Variants in LINGO2 observed in about 807,000 individuals in gnomAD.
The protein encoded by LINGO2 is leucine rich repeat and Ig domain containing 2.
LINGO2 carries 14 observed loss-of-function variants against 30.6 expected under a neutral mutation model. The observed-to-expected ratio is 0.46, with a 90% CI of 0.30 to 0.72. The LOEUF (loss-of-function observed/expected upper bound fraction) is 0.72, where lower values mean the gene tolerates loss of function less well. LINGO2 is among the 30% of genes least tolerant of loss of function. LINGO2 has a pLI of 0.07. For missense variants in LINGO2, 729 were observed against 751.7 expected (o/e 0.97, Z 0.35); for synonymous variants, 317 against 288.5 (o/e 1.10, Z -1.00).
chr9:28,923,541 T>A, the LINGO2 span, among the ~76,000 whole-genome samples: 1 of 152,098 alleles, frequency 6.6e-6, no homozygotes, highest in South Asian at 2.1e-4. Context: ...AAAAGAGACA[T>A]CTGTTTGGGA....
At chr9:28,723,423 G>A in the LINGO2 span, among the ~76,000 whole-genome samples, 20 of 152,212 alleles carry the variant, frequency 1.3e-4, no homozygotes, top group African/African-American at 4.8e-4. Context: ...GTTGTACAAT[G>A]TGGCTATACA....
At position 28,403,670 on chromosome 9, in the gene LINGO2, CA is replaced by C. The variant is rs1405441846; in HGVS notation, c.-278-30803del. Among the ~76,000 whole-genome samples the C allele has an allele frequency of 2.5e-5, 3 of 121,290 alleles. No homozygotes were observed. In the Admixed American group the frequency reaches 2.6e-4, roughly 10 times the overall value. The allele number at this position is 121,290 out of a possible 152,430, so 79.6% of individuals were successfully genotyped here. On this transcript the variant is annotated intron_variant, in intron 2 of 5. Coordinates refer to ENST00000379992, the Ensembl canonical transcript of LINGO2. The stretch of plus-strand genomic sequence containing the variant: ...ACCCCTCTCCTTTTTTTTTTTTTTT[CA>C]AAGGATGACCTCAACTTTTCCTGGA...
At chr9:28,170,434 A>C (rs1330075654) in intron 4 of LINGO2, among the ~76,000 whole-genome samples, 1 of 152,174 alleles carries the variant, frequency 6.6e-6, no homozygotes, top group East Asian at 1.9e-4. Flanking sequence ...ATGTAAAGTA[A>C]GAAGTCCCTA....
chr9:29,210,181 G>A, the LINGO2 span, among the ~76,000 whole-genome samples: 1 of 152,126 alleles, frequency 6.6e-6, no homozygotes, highest in East Asian at 1.9e-4. Context: ...TTAATGTTTG[G>A]TCTCTTTTAA....
At chr9:28,368,798 G>A (rs1052496886) in intron 3 of LINGO2, among the ~76,000 whole-genome samples, 22 of 108,208 alleles carry the variant, frequency 2.0e-4, no homozygotes, top group Non-Finnish European at 3.3e-4. Flanking sequence ...GGGTTTCACC[G>A]TGTTAGCCAG....
intron 2 of LINGO2, among the ~76,000 whole-genome samples, chr9:28,409,518 G>A (rs1174615463): frequency 6.6e-6 from 1 of 151,900 alleles, no homozygotes; most frequent in Non-Finnish European, 1.5e-5. Flanking sequence ...TTTCCCTGTT[G>A]AGACTCTGAT....
At chr9:28,189,992 C>A (rs536600007) in intron 4 of LINGO2, among the ~76,000 whole-genome samples, 20 of 152,090 alleles carry the variant, frequency 1.3e-4, no homozygotes, top group Non-Finnish European at 2.9e-4. Context: ...AATACTTAGA[C>A]AGGTTGCCAT....
At chr9:28,356,010 G>C (rs886591833) in intron 3 of LINGO2, among the ~76,000 whole-genome samples, 4 of 152,126 alleles carry the variant, frequency 2.6e-5, no homozygotes, top group South Asian at 2.1e-4. Context: ...ACAGCATTTA[G>C]TTAGATATTT....
chr9:29,113,976 T>A, the LINGO2 span, among the ~76,000 whole-genome samples: 2 of 149,448 alleles, frequency 1.3e-5, no homozygotes, highest in African/African-American at 4.9e-5. Context: ...AAAAAAAAAA[T>A]TGCCAGAAAG....
the LINGO2 span, among the ~76,000 whole-genome samples, chr9:28,785,120 A>C: frequency 6.6e-6 from 1 of 152,234 alleles, no homozygotes; most frequent in Non-Finnish European, 1.5e-5. Flanking sequence ...TAGAAGGACA[A>C]TATAAATTAT....
chr9:28,342,193 T>C (rs1346961570), intron 3 of LINGO2, among the ~76,000 whole-genome samples: 1 of 152,182 alleles, frequency 6.6e-6, no homozygotes, highest in Non-Finnish European at 1.5e-5. Context: ...TCGCTGTCTA[T>C]ATAGCTAGTA....
At chr9:28,925,577 T>G in the LINGO2 span, among the ~76,000 whole-genome samples, 1 of 152,226 alleles carries the variant, frequency 6.6e-6, no homozygotes, top group Non-Finnish European at 1.5e-5. Context: ...CATTTGGAAC[T>G]CTCCTGGACT....
chr9:29,099,552 T>A, the LINGO2 span, among the ~76,000 whole-genome samples: 27 of 152,122 alleles, frequency 1.8e-4, no homozygotes, highest in Admixed American at 3.3e-4. Context: ...AAATTAATAA[T>A]CCAATTTTAA....
chr9:28,340,863 T>C (rs1825743343), intron 3 of LINGO2, among the ~76,000 whole-genome samples: 1 of 152,112 alleles, frequency 6.6e-6, no homozygotes, highest in Non-Finnish European at 1.5e-5. Context: ...AGTAATCACA[T>C]GGATATTTTA....
chr9:28,832,130 T>A, the LINGO2 span, among the ~76,000 whole-genome samples: 1 of 152,228 alleles, frequency 6.6e-6, no homozygotes, highest in South Asian at 2.1e-4. Context: ...GAATTTAAAT[T>A]TGATTTTTAG....
At chr9:28,044,352 A>G (rs1486866239) in intron 4 of LINGO2, among the ~76,000 whole-genome samples, 1 of 152,104 alleles carries the variant, frequency 6.6e-6, no homozygotes, top group African/African-American at 2.4e-5. Context: ...TAATGAACGT[A>G]TTTCCCCATT....
the LINGO2 span, among the ~76,000 whole-genome samples, chr9:29,130,617 C>T: frequency 1.3e-5 from 2 of 152,082 alleles, no homozygotes; most frequent in African/African-American, 4.8e-5. Flanking sequence ...GATCTAATTA[C>T]TGATGCAGAA....
At chr9:28,968,724 C>G in the LINGO2 span, among the ~76,000 whole-genome samples, 4 of 152,074 alleles carry the variant, frequency 2.6e-5, no homozygotes, top group African/African-American at 9.7e-5. Flanking sequence ...GATTCCATAA[C>G]TAGTTTCATT....
At chr9:29,141,157 A>T in the LINGO2 span, among the ~76,000 whole-genome samples, 1 of 152,088 alleles carries the variant, frequency 6.6e-6, no homozygotes, top group Non-Finnish European at 1.5e-5. Flanking sequence ...ATACAGTAGC[A>T]GTAGTATGTA....
Sources: gnomAD v4.1 joint callset for allele counts (sites outside exome capture counted in the v4.1 genomes callset) on GRCh38, gnomAD v4.1.1 for gene constraint, MANE v1.5 for transcripts, NCBI Gene and HGNC (gene_info 2026-07-23, HGNC 2026-07-21) for gene names.